Variants in ITPR2 observed in about 807,000 individuals in gnomAD.
ITPR2 encodes inositol 1,4,5-trisphosphate receptor type 2.
In ITPR2, 207 loss-of-function variants were observed where a neutral mutation model predicts 317.1. The observed-to-expected ratio is 0.65, with a 90% CI of 0.58 to 0.73. The LOEUF (loss-of-function observed/expected upper bound fraction) is 0.73, where lower values mean the gene tolerates loss of function less well. Among genes scored for constraint, ITPR2 ranks in the 30% least tolerant of loss-of-function variants. The pLI is 0.00. For missense variants in ITPR2, 2,613 were observed against 3,284.0 expected, an observed-to-expected ratio of 0.80 and a Z score of 4.99; for synonymous variants, 1,156 against 1,149.1, an observed-to-expected ratio of 1.01 and a Z score of -0.12.
rs919567392 is a variant in ITPR2, at chr12:26,546,686, G to A, written c.5073+3561C>T. ...TACACTACACTAACCAAAGCAGCAC[G>A]GTATTGGTATAAAAATAGACACACA... On this transcript the variant is annotated intron_variant, in intron 37 of 56. Coordinates refer to ENST00000381340, the MANE Select transcript of ITPR2 (RefSeq NM_002223.4). Among the ~76,000 whole-genome samples, 4 of 151,818 alleles carry A rather than the reference G, an allele frequency of 2.6e-5. No individual in the cohort carries two copies. In the East Asian group the frequency reaches 5.8e-4, roughly 22 times the overall value.
intron 45 of ITPR2, among the ~76,000 whole-genome samples, chr12:26,467,752 T>C (rs1250549890): frequency 6.6e-6 from 1 of 152,186 alleles, no homozygotes; most frequent in Non-Finnish European, 1.5e-5. Context: ...GTGAGTCCCA[T>C]TTCAATCCAT....
At chr12:26,587,289 AT>A in intron 32 of ITPR2, among the ~76,000 whole-genome samples, 1 of 150,678 alleles carries the variant, frequency 6.6e-6, no homozygotes, top group Admixed American at 6.6e-5. Flanking sequence ...AAATATATAT[AT>A]ATATATATAT....
At chr12:26,439,462 C>G (rs568513894) in intron 46 of ITPR2, 143 bp from the exon 47 acceptor site, 6 of 556,352 alleles carry the variant, frequency 1.1e-5, no homozygotes, top group Non-Finnish European at 3.1e-6. Context: ...CTGAAAGAAC[C>G]CTTTTTACTA....
intron 2 of ITPR2, among the ~76,000 whole-genome samples, chr12:26,780,808 G>A (rs140926320): frequency 3.0e-4 from 45 of 152,256 alleles, no homozygotes; most frequent in African/African-American, 1.0e-3. Flanking sequence ...CAGTTCATTC[G>A]AACATTATGT....
intron 55 of ITPR2, among the ~76,000 whole-genome samples, chr12:26,342,638 C>T (rs908973023): frequency 1.3e-5 from 2 of 152,126 alleles, no homozygotes; most frequent in South Asian, 4.2e-4. Flanking sequence ...CTGAGTTTCA[C>T]TCTTGTTGTT....
At chr12:26,474,181 G>A (rs1222674250) in intron 45 of ITPR2, among the ~76,000 whole-genome samples, 2 of 152,166 alleles carry the variant, frequency 1.3e-5, no homozygotes, top group African/African-American at 4.8e-5. Flanking sequence ...CCGAGAATCT[G>A]ACTTTATATC....
At position 26,339,387 on chromosome 12, in the gene ITPR2, C is replaced by T; in HGVS notation, c.*10G>A. 6.2e-7 allele frequency: 1 copy of T among 1,610,956 alleles called. No individual in the cohort carries two copies. Among genetic ancestry groups the T allele is most frequent in the Non-Finnish European group, 8.5e-7 (1 of 1,177,346 alleles). ...TGATGAAAGGCTAGTCACGGCTTCC[C>T]CCCATGGTATCAGTGTGGTGGCATG... On this transcript the variant is annotated 3_prime_UTR_variant, in exon 57 of 57. Transcript: ENST00000381340.
chr12:26,386,006 TC>T (rs1159598393), intron 55 of ITPR2, among the ~76,000 whole-genome samples: 10 of 152,160 alleles, frequency 6.6e-5, no homozygotes, highest in African/African-American at 2.2e-4. Flanking sequence ...TACCCAAACA[TC>T]TATTCATCCA....
chr12:26,550,197 T>TTTGG, intron 37 of ITPR2, 50 bp downstream of exon 37: 1 of 752,722 alleles, frequency 1.3e-6, no homozygotes. Flanking sequence ...GTTACAGTAT[T>TTTGG]GGGGAAATCC....
chr12:26,414,429 G>A (rs1267237033), intron 51 of ITPR2, among the ~76,000 whole-genome samples: 2 of 152,086 alleles, frequency 1.3e-5, no homozygotes, highest in Non-Finnish European at 2.9e-5. Flanking sequence ...TACATTTAAC[G>A]GTTTGAGGAG....
chr12:26,705,383 TATTTGTAATTCAGCCC>T (rs2137010169), intron 9 of ITPR2, among the ~76,000 whole-genome samples: 1 of 152,306 alleles, frequency 6.6e-6, no homozygotes, highest in Admixed American at 6.5e-5. Context: ...CCTTGCTTGG[TATTTGTAATTCAGCCC>T]ATTTGATTTT....
Position 26,387,187 on chromosome 12 carries a change from T to C in ITPR2, c.7857+247A>G, listed in dbSNP as rs1444718266. 3.9e-5 allele frequency among the ~76,000 whole-genome samples: 6 copies of C among 152,180 alleles called. No homozygotes were observed. In the South Asian group the frequency reaches 6.2e-4, roughly 16 times the overall value. On this transcript the variant is annotated intron_variant, in intron 55 of 56. Coordinates refer to ENST00000381340, the MANE Select transcript of ITPR2 (RefSeq NM_002223.4). ...ACATAACTGAGATGGTGCTAGTCAT[T>C]GCAAAGAGAATCCAGGAAATATCAT...
chr12:26,708,702 G>A (rs1050965029), intron 9 of ITPR2, among the ~76,000 whole-genome samples: 3 of 152,014 alleles, frequency 2.0e-5, no homozygotes, highest in African/African-American at 7.2e-5. Context: ...GCCCAACAGG[G>A]TAATACACAG....
chr12:26,490,100 C>T (rs1488426266), intron 39 of ITPR2, among the ~76,000 whole-genome samples: 1 of 152,158 alleles, frequency 6.6e-6, no homozygotes, highest in Non-Finnish European at 1.5e-5. Flanking sequence ...TAATTTAATG[C>T]TGTTTCATCA....
Position 26,398,994 on chromosome 12 carries a change from G to T in ITPR2, c.7578C>A (p.Phe2526Leu). Residue 2526 changes from phenylalanine to leucine, a missense_variant, in exon 54 of 57, where the codon TTC (phenylalanine) becomes TTA (leucine). Physicochemically the swap from Phe to Leu is conservative, Grantham distance 22 (BLOSUM62 0). Coordinates refer to ENST00000381340, the MANE Select transcript of ITPR2 (RefSeq NM_002223.4). ...AGTTCAGAACAATAATGATAACAAT[G>T]AAATAAAAAAGAAGGTCATAAACCA... ...ARVVYDLLFY[F>L]IVIIIVLNLI... 6.2e-7 allele frequency: 1 copy of T among 1,602,220 alleles called. No individual in the cohort carries two copies. Among genetic ancestry groups the T allele is most frequent in the Non-Finnish European group, 8.5e-7 (1 of 1,176,946 alleles).
At chr12:26,629,769 C>T (rs1478612635) in intron 22 of ITPR2, among the ~76,000 whole-genome samples, 3 of 151,916 alleles carry the variant, frequency 2.0e-5, no homozygotes, top group Admixed American at 6.6e-5. Flanking sequence ...TCTCCTCCCC[C>T]GACCCACCCA....
chr12:26,784,976 G>C (rs1339049404), intron 2 of ITPR2, among the ~76,000 whole-genome samples: 1 of 4,882 alleles, frequency 2.0e-4, no homozygotes, highest in Non-Finnish European at 6.4e-4. Context: ...GATGTGAGGA[G>C]CGCCTCTGCT....
At chr12:26,352,195 G>A (rs1019343896) in intron 55 of ITPR2, among the ~76,000 whole-genome samples, 23 of 152,328 alleles carry the variant, frequency 1.5e-4, no homozygotes, top group African/African-American at 3.6e-4. Context: ...ACCAAAGGGC[G>A]ACCCATCAGA....
chr12:26,534,362 A>G (rs539142723), intron 37 of ITPR2, among the ~76,000 whole-genome samples: 4 of 152,216 alleles, frequency 2.6e-5, no homozygotes, highest in Non-Finnish European at 5.9e-5. Flanking sequence ...TAGATCTCAG[A>G]GGAAATGGTT....
Sources: allele counts gnomAD v4.1 joint callset (sites outside exome capture counted in the v4.1 genomes callset), GRCh38; gene constraint gnomAD v4.1.1; transcripts MANE v1.5; gene names NCBI Gene and HGNC (gene_info 2026-07-23, HGNC 2026-07-21).